The following EFHD1 variants were observed in gnomAD, a reference collection of about 807,000 sequenced individuals.
The protein encoded by EFHD1 is EF-hand domain-containing protein D1.
A neutral mutation model predicts 17.2 loss-of-function variants in EFHD1; 10 were observed. That is an observed-to-expected ratio of 0.58 (90% CI 0.36 to 0.99). EFHD1 has a LOEUF of 0.99. EFHD1 is among the 50% of genes least tolerant of loss of function. The pLI is 0.01. For missense variants in EFHD1, 310 were observed against 327.5 expected (o/e 0.95, Z 0.41); for synonymous variants, 153 against 142.0 (o/e 1.08, Z -0.55).
chr2:232,680,486 G>C (rs139446538), intron 3 of EFHD1, among the ~76,000 whole-genome samples: 18 of 152,212 alleles, frequency 1.2e-4, no homozygotes, highest in African/African-American at 4.3e-4. Flanking sequence ...TAGAACAATT[G>C]ATTTAGTGAG....
intron 1 of EFHD1, among the ~76,000 whole-genome samples, chr2:232,641,298 G>A (rs1694427202): frequency 6.6e-6 from 1 of 152,142 alleles, no homozygotes; most frequent in Admixed American, 6.5e-5. Flanking sequence ...CCTCCCAAAA[G>A]TGTTGGTTAC....
At position 232,681,780 on chromosome 2, in the gene EFHD1, C is replaced by G; in HGVS notation, c.*61C>G. 2 of 1,573,876 alleles carry G rather than the reference C, an allele frequency of 1.3e-6. No individual in the cohort carries two copies. The highest frequency in any genetic ancestry group is 1.7e-6 in the Non-Finnish European group (2 of 1,159,612). On this transcript the variant is annotated 3_prime_UTR_variant, in exon 4 of 4. Coordinates refer to ENST00000264059, the MANE Select transcript of EFHD1 (RefSeq NM_025202.4). ...TCACAGATGCCCCGAGAAGAGATGA[C>G]TAGGCATCTTCATCACTGCTGTCGG...
chr2:232,610,920 T>A (rs1246099368), intron 1 of EFHD1: 1 of 152,350 alleles, frequency 6.6e-6, no homozygotes, highest in Non-Finnish European at 1.5e-5. Context: ...CTCACGCCTG[T>A]AATCTCAGCA....
At chr2:232,659,919 G>A (rs139625288) in intron 1 of EFHD1, among the ~76,000 whole-genome samples, 18 of 152,214 alleles carry the variant, frequency 1.2e-4, no homozygotes, top group African/African-American at 3.6e-4. Context: ...CAGAGCAAGC[G>A]GGGAAGTGCT....
chr2:232,650,682 C>T (rs1694634676), intron 1 of EFHD1, among the ~76,000 whole-genome samples: 2 of 148,256 alleles, frequency 1.3e-5, no homozygotes, highest in African/African-American at 5.0e-5. Context: ...AATTCTTGTG[C>T]CTCAGCCTCC....
In EFHD1 at chr2:232,633,903, G is replaced by T; in HGVS notation, c.199G>T (p.Glu67Ter). The change falls in exon 1 of 4, where the codon GAG becomes TAG. Residue 67 changes from glutamate (E) to a stop codon, truncating the protein, a stop_gained. Coordinates refer to ENST00000264059, the MANE Select transcript of EFHD1 (RefSeq NM_025202.4). LOFTEE classifies it high-confidence loss of function. Reference protein sequence around the residue: ...AQLSRRLDINEGAARPRRCRV... With the variant: ...AQLSRRLDIN ...GCTGAGCCGGCGGCTGGACATCAAC[G>T]AGGGCGCTGCGCGGCCCCGGCGCTG... 1 of 1,575,754 alleles carries T rather than the reference G, an allele frequency of 6.3e-7. No homozygotes were observed. Among genetic ancestry groups the T allele is most frequent in the Non-Finnish European group, 8.5e-7 (1 of 1,170,642 alleles).
At position 232,670,102 on chromosome 2, in the gene EFHD1, T is replaced by A. The variant is rs376883680; in HGVS notation, c.451-2207T>A. The stretch of plus-strand genomic sequence containing the variant: ...ATAGCAGTTGTTTAAAGAAGAGAAC[T>A]AAAAAAGCCACAAAATTGCCTTGGG... On this transcript the variant is annotated intron_variant, in intron 2 of 3. Transcript: ENST00000264059. Among the ~76,000 whole-genome samples, 116 of 152,102 alleles carry A rather than the reference T, an allele frequency of 7.6e-4. No individual in the cohort carries two copies. The East Asian group carries it at 0.012, about 15-fold the overall frequency.
intron 1 of EFHD1, among the ~76,000 whole-genome samples, chr2:232,628,420 C>T (rs1204193062): frequency 6.6e-6 from 1 of 152,156 alleles, no homozygotes; most frequent in Non-Finnish European, 1.5e-5. Context: ...TAAAACAAAT[C>T]AAAATCCTGA....
At chr2:232,657,447 A>G (rs1465004445) in intron 1 of EFHD1, among the ~76,000 whole-genome samples, 1 of 152,182 alleles carries the variant, frequency 6.6e-6, no homozygotes, top group Admixed American at 6.6e-5. Flanking sequence ...TTGTTTGTAT[A>G]GATCACATTT....
chr2:232,633,586 G>C (rs930505932), upstream of EFHD1: 17 of 1,303,516 alleles, frequency 1.3e-5, 1 homozygote, highest in African/African-American at 2.0e-4. Context: ...CCAACCGCCG[G>C]GTCCCCGCCG....
chr2:232,617,209 CATGTGGCCTT>C (rs1259944928), intron 1 of EFHD1, among the ~76,000 whole-genome samples: 9 of 152,342 alleles, frequency 5.9e-5, no homozygotes, highest in East Asian at 3.9e-4. Flanking sequence ...CAGGTAAGGC[CATGTGGCCTT>C]TTATGACCTA....
chr2:232,612,426 A>G (rs1212568574), intron 1 of EFHD1, among the ~76,000 whole-genome samples: 1 of 152,228 alleles, frequency 6.6e-6, no homozygotes, highest in Non-Finnish European at 1.5e-5. Flanking sequence ...AACTCACTAA[A>G]TAATAAGACA....
intron 1 of EFHD1, among the ~76,000 whole-genome samples, chr2:232,610,002 C>T (rs1334424179): frequency 6.6e-6 from 1 of 152,196 alleles, no homozygotes; most frequent in Non-Finnish European, 1.5e-5. Context: ...ACACTGGCTC[C>T]TTCTCCAACC....
chr2:232,656,169 C>CCTG (rs1452999429), intron 1 of EFHD1, among the ~76,000 whole-genome samples: 2 of 152,104 alleles, frequency 1.3e-5, no homozygotes, highest in African/African-American at 4.8e-5. Context: ...CCATGGCCTC[C>CCTG]CTGAAGTGTG....
At chr2:232,631,759 C>T (rs182373902), upstream of EFHD1, among the ~76,000 whole-genome samples, 247 of 148,352 alleles carry the variant, frequency 1.7e-3, 1 homozygote, top group African/African-American at 5.4e-3. Flanking sequence ...CCCAGCACTT[C>T]GGGAGGCCGA....
chr2:232,674,617 C>T (rs1369011675), intron 3 of EFHD1, among the ~76,000 whole-genome samples: 1 of 152,170 alleles, frequency 6.6e-6, no homozygotes, highest in Non-Finnish European at 1.5e-5. Flanking sequence ...TCTGCCTCCT[C>T]ACCCAGAATC....
chr2:232,638,720 G>T (rs1694367361), intron 1 of EFHD1, among the ~76,000 whole-genome samples: 1 of 152,238 alleles, frequency 6.6e-6, no homozygotes, highest in Non-Finnish European at 1.5e-5. Flanking sequence ...AAATGGGAAA[G>T]ATGGGTGGAA....
intron 2 of EFHD1, among the ~76,000 whole-genome samples, chr2:232,669,650 G>T (rs1695033087): frequency 6.6e-6 from 1 of 150,904 alleles, no homozygotes. Context: ...GCCCAGGCTG[G>T]AGTGCAATGG....
At chr2:232,643,408 G>A (rs1694467957) in intron 1 of EFHD1, among the ~76,000 whole-genome samples, 1 of 151,654 alleles carries the variant, frequency 6.6e-6, no homozygotes, top group Admixed American at 6.6e-5. Flanking sequence ...GTTTTCGTTT[G>A]TATTTTTTTT....
Sources: gnomAD v4.1 joint callset for allele counts (sites outside exome capture counted in the v4.1 genomes callset) on GRCh38, gnomAD v4.1.1 for gene constraint, MANE v1.5 for transcripts, NCBI Gene and HGNC (gene_info 2026-07-23, HGNC 2026-07-21) for gene names.